The following SRRM4 variants were observed in gnomAD, a reference collection of about 807,000 sequenced individuals.
The protein encoded by SRRM4 is serine/arginine repetitive matrix 4.
SRRM4 carries 33 observed loss-of-function variants against 68.9 expected under a neutral mutation model. The observed-to-expected ratio is 0.48, with a 90% CI of 0.36 to 0.64. The LOEUF is 0.64. Among genes scored for constraint, SRRM4 ranks in the 30% least tolerant of loss-of-function variants. The pLI is 0.00. For synonymous variants in SRRM4, 318 were observed against 318.8 expected (o/e 1.00, Z 0.03); for missense variants, 817 against 827.1 (o/e 0.99, Z 0.15).
At chr12:119,073,620 C>T (rs944080332) in intron 1 of SRRM4, among the ~76,000 whole-genome samples, 3 of 151,564 alleles carry the variant, frequency 2.0e-5, no homozygotes, top group Admixed American at 6.6e-5. Context: ...CCATGGCACC[C>T]GGCCTCTCTC....
In SRRM4 at chr12:119,078,545, T is replaced by C. The variant is rs545249867; in HGVS notation, c.132-23691T>C. The stretch of plus-strand genomic sequence containing the variant: ...GCAAGAAAGCATCCTGAGAGAAAGA[T>C]GGTGTTGCTGATGCCTCATCTTGCA... On this transcript the variant is annotated intron_variant, in intron 1 of 12. Transcript: ENST00000267260. 5.9e-5 allele frequency among the ~76,000 whole-genome samples: 9 copies of C among 152,332 alleles called. No individual in the cohort carries two copies. The East Asian group carries it at 1.2e-3, about 20-fold the overall frequency.
rs544593146 is a variant in SRRM4 at position 119,130,597 on chromosome 12, T to C, written c.615-81T>C. ...CACCCCCAAACACACTTTATCATCC[T>C]CAGATCCTGTTGGTCCTGCATACAT... On this transcript the variant is annotated intron_variant, in intron 7 of 12. Transcript: ENST00000267260. 76 of 1,390,956 alleles carry C rather than the reference T, an allele frequency of 5.5e-5. No individual in the cohort carries two copies. The Middle Eastern group carries it at 7.0e-4, about 13-fold the overall frequency. The allele number at this position is 1,390,956 out of a possible 1,614,324, so 86.2% of individuals were successfully genotyped here.
chr12:119,011,001 C>T (rs1420651519), intron 1 of SRRM4, among the ~76,000 whole-genome samples: 2 of 151,958 alleles, frequency 1.3e-5, no homozygotes, highest in Non-Finnish European at 2.9e-5. Context: ...CAAAAGAACA[C>T]TATGTACTCT....
intron 1 of SRRM4, among the ~76,000 whole-genome samples, chr12:119,089,298 C>T (rs1953999525): frequency 6.6e-6 from 1 of 152,140 alleles, no homozygotes; most frequent in East Asian, 1.9e-4. Flanking sequence ...AGCTGACTGC[C>T]TAATAAAGAT....
chr12:119,095,876 C>T (rs975115942), intron 1 of SRRM4, among the ~76,000 whole-genome samples: 2 of 148,158 alleles, frequency 1.3e-5, no homozygotes, highest in African/African-American at 2.5e-5. Flanking sequence ...AGGAGAATCA[C>T]TTGAACCCGG....
chr12:119,123,337 CTCAAG>C (rs1266969364), intron 6 of SRRM4, among the ~76,000 whole-genome samples: 1 of 152,136 alleles, frequency 6.6e-6, no homozygotes, highest in African/African-American at 2.4e-5. Context: ...ATTTGTTCCG[CTCAAG>C]TCAAGAGACA....
intron 4 of SRRM4, among the ~76,000 whole-genome samples, chr12:119,119,214 C>G (rs1031212560): frequency 3.9e-5 from 6 of 152,022 alleles, no homozygotes; most frequent in Non-Finnish European, 8.8e-5. Flanking sequence ...CCAGCACATC[C>G]TGCGTATGTA....
rs1326148341 is a variant in SRRM4 at position 119,122,272 on chromosome 12, AAGGCAGGAAGGC to A, written c.515+156_515+167del. ...GAAGGCAGGAAGGCAGGAAGGCAGG[AAGGCAGGAAGGC>A]AGGAAGGCAGGAAGGAAGGAAGGAA... is the stretch of plus-strand genomic sequence containing the variant. On this transcript the variant is annotated intron_variant, in intron 6 of 12. Transcript: ENST00000267260. 4.7e-3 allele frequency among the ~76,000 whole-genome samples: 429 copies of A among 91,788 alleles called. 4 individuals carry two copies. Among genetic ancestry groups the A allele is most frequent in the Admixed American group, 0.022 (187 of 8,354 alleles). 60.2% of individuals were successfully genotyped at this position (91,788 alleles called of 152,430 possible).
intron 7 of SRRM4, 61 bp downstream of exon 7, chr12:119,125,540 G>A: frequency 6.9e-7 from 1 of 1,452,952 alleles, no homozygotes; most frequent in South Asian, 1.2e-5. Flanking sequence ...CTAAGACACT[G>A]TTAACACTAG....
intron 1 of SRRM4, among the ~76,000 whole-genome samples, chr12:119,094,403 C>T (rs1369343242): frequency 1.3e-5 from 2 of 152,220 alleles, no homozygotes; most frequent in African/African-American, 4.8e-5. Context: ...CATCTGCAGT[C>T]TGACAAGATC....
chr12:119,122,922 TCA>T (rs1954231948), intron 6 of SRRM4, among the ~76,000 whole-genome samples: 1 of 152,188 alleles, frequency 6.6e-6, no homozygotes, highest in Admixed American at 6.5e-5. Flanking sequence ...CCCAGCTGTT[TCA>T]CAGTTTATAG....
chr12:119,034,426 T>C (rs1002360865), intron 1 of SRRM4, among the ~76,000 whole-genome samples: 3 of 152,190 alleles, frequency 2.0e-5, no homozygotes, highest in Admixed American at 6.5e-5. Context: ...CCGGTCTCCA[T>C]CACAGTTGCA....
intron 1 of SRRM4, among the ~76,000 whole-genome samples, chr12:119,014,919 AT>A (rs1466793017): frequency 6.6e-6 from 1 of 152,192 alleles, no homozygotes; most frequent in Non-Finnish European, 1.5e-5. Context: ...TGTTCAAGAA[AT>A]TTGTGGAAGA....
In SRRM4 at chr12:118,981,607, C is replaced by A; in HGVS notation, c.-276C>A. The stretch of plus-strand genomic sequence containing the variant: ...GGTGCTGCCCAGAAAGCCAGCCCTC[C>A]CTTCCCTTCTTGGGGCGCAGAGGCT... On this transcript the variant is annotated 5_prime_UTR_variant, in exon 1 of 13. Transcript: ENST00000267260. The A allele has an allele frequency of 2.5e-6, 1 of 392,692 alleles. No individual in the cohort carries two copies. The highest frequency in any genetic ancestry group is 5.1e-5 in the South Asian group (1 of 19,764). The allele number at this position is 392,692 out of a possible 1,614,324, so 24.3% of individuals were successfully genotyped here.
intron 1 of SRRM4, among the ~76,000 whole-genome samples, chr12:119,065,676 AG>A (rs1354787340): frequency 6.6e-6 from 1 of 152,158 alleles, no homozygotes; most frequent in East Asian, 1.9e-4. Context: ...AGGAGCTTGC[AG>A]GGAGGCAGAG....
At chr12:119,102,449 C>A in intron 2 of SRRM4, 67 bp downstream of exon 2, 2 of 1,315,464 alleles carry the variant, frequency 1.5e-6, no homozygotes, top group Non-Finnish European at 2.1e-6. Flanking sequence ...GGCCATGGCT[C>A]ACCCCTCTCT....
rs111411709 is a variant in SRRM4, at chr12:119,019,695, A to G, written c.131+37682A>G. 1.7e-3 allele frequency among the ~76,000 whole-genome samples: 256 copies of G among 152,212 alleles called. 3 individuals are homozygous for G. The highest frequency in any genetic ancestry group is 5.6e-3 in the African/African-American group (233 of 41,530). ...TCCTGCCACGGGCTCCCTGGGATTA[A>G]ACTGCTTCTCTAAGAAATGAAACCA... is the stretch of plus-strand genomic sequence containing the variant. On this transcript the variant is annotated intron_variant, in intron 1 of 12. Coordinates refer to ENST00000267260, the MANE Select transcript of SRRM4 (RefSeq NM_194286.4).
chr12:119,019,939 T>G (rs1203546922), intron 1 of SRRM4, among the ~76,000 whole-genome samples: 12 of 108,216 alleles, frequency 1.1e-4, no homozygotes, highest in South Asian at 7.1e-4. Flanking sequence ...CTCTGGACAG[T>G]TCCCCCCGCT....
intron 1 of SRRM4, among the ~76,000 whole-genome samples, chr12:119,010,280 T>C (rs929622600): frequency 3.3e-5 from 5 of 152,216 alleles, no homozygotes; most frequent in African/African-American, 1.2e-4. Context: ...TGTGAACTCC[T>C]GGCCTCAAGT....
Sources: gnomAD v4.1 joint callset for allele counts (sites outside exome capture counted in the v4.1 genomes callset) on GRCh38, gnomAD v4.1.1 for gene constraint, MANE v1.5 for transcripts, NCBI Gene and HGNC (gene_info 2026-07-23, HGNC 2026-07-21) for gene names.